EPHA3: variants seen among roughly 807,000 people sequenced by gnomAD.
EPHA3 encodes EPH receptor A3.
EPHA3 carries 42 observed loss-of-function variants against 107.1 expected under a neutral mutation model. The observed-to-expected ratio is 0.39, with a 90% CI of 0.31 to 0.51. EPHA3 has a LOEUF of 0.51. Ranked by LOEUF, EPHA3 falls within the 20% of genes least tolerant of loss-of-function variation. EPHA3 has a pLI of 0.78. For missense variants in EPHA3, 1,183 were observed against 1,211.2 expected, an observed-to-expected ratio of 0.98 and a Z score of 0.35; for synonymous variants, 461 against 424.8, an observed-to-expected ratio of 1.09 and a Z score of -1.05.
At chr3:89,444,902 C>A (rs1320743519) in intron 13 of EPHA3, among the ~76,000 whole-genome samples, 2 of 152,098 alleles carry the variant, frequency 1.3e-5, no homozygotes, top group African/African-American at 4.8e-5. Flanking sequence ...TACCTATTAG[C>A]AGATAATGGA....
At chr3:89,325,092 C>T (rs971345190) in intron 3 of EPHA3, among the ~76,000 whole-genome samples, 1 of 151,980 alleles carries the variant, frequency 6.6e-6, no homozygotes, top group African/African-American at 2.4e-5. Flanking sequence ...TTTATTTATC[C>T]ACCACTGATG....
At chr3:89,354,128 CT>C (rs1707893904) in intron 5 of EPHA3, among the ~76,000 whole-genome samples, 1 of 151,190 alleles carries the variant, frequency 6.6e-6, no homozygotes, top group Admixed American at 6.6e-5. Context: ...TTTTCTCATC[CT>C]TATTTTCCAA....
At chr3:89,398,623 C>T (rs1021854944) in intron 6 of EPHA3, among the ~76,000 whole-genome samples, 1 of 148,738 alleles carries the variant, frequency 6.7e-6, no homozygotes, top group African/African-American at 2.6e-5. Context: ...TAGAGCATTC[C>T]TATTAGGTTT....
chr3:89,255,611 C>T (rs914842694), intron 3 of EPHA3, among the ~76,000 whole-genome samples: 1 of 151,948 alleles, frequency 6.6e-6, no homozygotes, highest in African/African-American at 2.4e-5. Flanking sequence ...AATAAAATTC[C>T]ATGGTCTGAC....
intron 3 of EPHA3, among the ~76,000 whole-genome samples, chr3:89,287,066 A>G (rs1038675421): frequency 4.6e-5 from 7 of 152,184 alleles, no homozygotes; most frequent in African/African-American, 1.4e-4. Flanking sequence ...CCTCCAAAAC[A>G]CTTTTCAAAT....
intron 5 of EPHA3, 137 bp from the exon 6 acceptor site, chr3:89,395,700 A>T: frequency 2.0e-6 from 2 of 1,013,864 alleles, no homozygotes; most frequent in Non-Finnish European, 2.9e-6. Context: ...AAATGGAAAT[A>T]GTGCTTTCTT....
chr3:89,138,885 C>A lies in EPHA3; in HGVS notation c.153+11612C>A, dbSNP rs573577386. Among the ~76,000 whole-genome samples, 175 of 151,812 alleles carry A rather than the reference C, an allele frequency of 1.2e-3. 2 individuals carry two copies. The highest frequency in any genetic ancestry group is 8.8e-4 in the Non-Finnish European group (60 of 67,854). On this transcript the variant is annotated intron_variant, in intron 2 of 16. Transcript: ENST00000336596. Reference sequence around the variant, plus strand: ...ATAAAGGCACAAAACAAAGAGAAGTCATATGTGGAAAACTGAGTAACTTGT... The same window carrying A: ...ATAAAGGCACAAAACAAAGAGAAGTAATATGTGGAAAACTGAGTAACTTGT...
chr3:89,395,512 C>T (rs749620749), intron 5 of EPHA3, among the ~76,000 whole-genome samples: 10 of 152,020 alleles, frequency 6.6e-5, no homozygotes, highest in Non-Finnish European at 1.5e-4. Context: ...TTTTTTAATA[C>T]ATCAAATATA....
chr3:89,275,901 A>G (rs1025993341), intron 3 of EPHA3, among the ~76,000 whole-genome samples: 1 of 152,116 alleles, frequency 6.6e-6, no homozygotes, highest in Admixed American at 6.6e-5. Flanking sequence ...AAGGGAATGC[A>G]ATGCAATGCA....
intron 3 of EPHA3, among the ~76,000 whole-genome samples, chr3:89,304,918 T>C (rs1192509091): frequency 2.6e-5 from 4 of 152,196 alleles, no homozygotes; most frequent in Non-Finnish European, 4.4e-5. Flanking sequence ...AAGGAATTTA[T>C]AAATGCAAGT....
chr3:89,223,766 C>T (rs751096752), intron 3 of EPHA3, among the ~76,000 whole-genome samples: 1 of 152,044 alleles, frequency 6.6e-6, no homozygotes, highest in South Asian at 2.1e-4. Context: ...TTAGCTTCCT[C>T]ATATGTAGAT....
chr3:89,168,387 T>A (rs1705129267), intron 2 of EPHA3, among the ~76,000 whole-genome samples: 1 of 152,060 alleles, frequency 6.6e-6, no homozygotes, highest in Admixed American at 6.5e-5. Flanking sequence ...TTTTTGTGAT[T>A]TTTTATAGGG....
intron 5 of EPHA3, among the ~76,000 whole-genome samples, chr3:89,368,863 TC>T (rs1472321990): frequency 3.3e-5 from 5 of 150,472 alleles, no homozygotes; most frequent in African/African-American, 1.2e-4. Flanking sequence ...AGTATGAGCA[TC>T]CCTTAGCCCA....
In EPHA3 at chr3:89,408,105, A is replaced by G; in HGVS notation, c.1736A>G (p.Lys579Arg). 1.9e-6 allele frequency: 3 copies of G among 1,612,950 alleles called. No homozygotes were observed. Among genetic ancestry groups the G allele is most frequent in the African/African-American group, 1.3e-5 (1 of 74,972 alleles). ...GYKSKHGADE[K>R]RLHFGNGHLK... ...AAGTCAAAACATGGGGCAGATGAAAAAAGACTTCATTTTGGCAATGGGCAT... is the reference window on the plus strand; with the variant it reads ...AAGTCAAAACATGGGGCAGATGAAAGAAGACTTCATTTTGGCAATGGGCAT... The change falls in exon 9 of 17, where the codon AAA becomes AGA. Residue 579 changes from lysine to arginine, a missense_variant. Transcript: ENST00000336596.
chr3:89,429,938 A>G (rs1032679964), intron 12 of EPHA3, among the ~76,000 whole-genome samples: 2 of 151,876 alleles, frequency 1.3e-5, no homozygotes, highest in East Asian at 1.9e-4. Flanking sequence ...TAGTTTTTGT[A>G]TTTTTAGTAG....
chr3:89,384,680 A>G (rs1284582510), intron 5 of EPHA3, among the ~76,000 whole-genome samples: 3 of 152,226 alleles, frequency 2.0e-5, no homozygotes, highest in Non-Finnish European at 4.4e-5. Flanking sequence ...AAAAGAAAGA[A>G]TGTCATAGAT....
intron 3 of EPHA3, among the ~76,000 whole-genome samples, chr3:89,333,664 G>A (rs1707336890): frequency 1.3e-5 from 2 of 152,132 alleles, no homozygotes; most frequent in African/African-American, 4.8e-5. Context: ...ACTAAGGTCA[G>A]GAGTTCGAGA....
At chr3:89,303,521 A>G (rs1419800986) in intron 3 of EPHA3, among the ~76,000 whole-genome samples, 1 of 151,492 alleles carries the variant, frequency 6.6e-6, no homozygotes, top group African/African-American at 2.4e-5. Flanking sequence ...AAAGGAAGGG[A>G]TAGATTATTA....
At chr3:89,141,199 A>G (rs1457160213) in intron 2 of EPHA3, among the ~76,000 whole-genome samples, 2 of 151,634 alleles carry the variant, frequency 1.3e-5, no homozygotes, top group Admixed American at 6.6e-5. Context: ...AGACCAATAC[A>G]GAGCCTCATA....
Sources: allele counts gnomAD v4.1 joint callset (sites outside exome capture counted in the v4.1 genomes callset), GRCh38; gene constraint gnomAD v4.1.1; transcripts MANE v1.5; gene names NCBI Gene and HGNC (gene_info 2026-07-23, HGNC 2026-07-21).